The following MCTP1 variants were observed in gnomAD, a reference collection of about 807,000 sequenced individuals.
The protein encoded by MCTP1 is multiple C2 and transmembrane domain-containing protein 1.
Under a neutral mutation model 120.6 loss-of-function variants are expected in MCTP1, and 69 were observed. The ratio of observed to expected loss-of-function variants is 0.57; its 90% CI spans 0.47 to 0.70. The LOEUF is 0.70. MCTP1 is among the 30% of genes least tolerant of loss of function. MCTP1 has a pLI of 0.00. For synonymous variants in MCTP1, 529 were observed against 493.1 expected (o/e 1.07, Z -0.96); for missense variants, 1,203 against 1,248.8 (o/e 0.96, Z 0.55).
chr5:94,753,028 C>T lies in MCTP1; in HGVS notation c.2610+26082G>A, dbSNP rs369982238. On this transcript the variant is annotated intron_variant, in intron 19 of 22. Transcript: ENST00000515393. The stretch of plus-strand genomic sequence containing the variant: ...TTAGGAGGGCTATATAAACCATAAA[C>T]CCAGAGGATCTTGTTCAGGGGTTCA... Among the ~76,000 whole-genome samples, 12 of 152,308 alleles carry T rather than the reference C, an allele frequency of 7.9e-5. No individual in the cohort carries two copies. The East Asian group carries it at 2.3e-3, about 29-fold the overall frequency.
intron 11 of MCTP1, among the ~76,000 whole-genome samples, chr5:94,890,978 A>G (rs536455110): frequency 2.6e-5 from 4 of 152,328 alleles, no homozygotes; most frequent in Non-Finnish European, 5.9e-5. Context: ...TTACTAGAGT[A>G]AAAAGCATTC....
chr5:94,833,668 T>C (rs1445514063), intron 17 of MCTP1, among the ~76,000 whole-genome samples: 11 of 152,202 alleles, frequency 7.2e-5, no homozygotes, highest in Admixed American at 7.2e-4. Flanking sequence ...CTTTTCTCTC[T>C]GGAGCGCAGA....
chr5:95,166,694 A>C (rs1429266557), intron 1 of MCTP1, among the ~76,000 whole-genome samples: 1 of 150,596 alleles, frequency 6.6e-6, no homozygotes, highest in Non-Finnish European at 1.5e-5. Context: ...CACCCTCCCG[A>C]GTAGCTGGGA....
intron 19 of MCTP1, among the ~76,000 whole-genome samples, chr5:94,763,459 T>C (rs1771823310): frequency 6.6e-6 from 1 of 152,240 alleles, no homozygotes; most frequent in Non-Finnish European, 1.5e-5. Context: ...TTCTCATTTA[T>C]CCTTCAACAC....
At chr5:94,855,714 T>C (rs1286682211) in intron 17 of MCTP1, among the ~76,000 whole-genome samples, 1 of 151,738 alleles carries the variant, frequency 6.6e-6, no homozygotes, top group Non-Finnish European at 1.5e-5. Context: ...CTATTATCTA[T>C]GTGAACAAAA....
intron 19 of MCTP1, among the ~76,000 whole-genome samples, chr5:94,755,699 TTC>T (rs1769644031): frequency 2.0e-5 from 3 of 152,334 alleles, no homozygotes; most frequent in African/African-American, 7.2e-5. Context: ...TCAGTATATG[TTC>T]TGTTTTTCAT....
At chr5:95,171,139 G>C (rs910935534) in intron 1 of MCTP1, among the ~76,000 whole-genome samples, 2 of 152,070 alleles carry the variant, frequency 1.3e-5, no homozygotes, top group South Asian at 2.1e-4. Flanking sequence ...TTGCTTCTCT[G>C]TAAAGGATTA....
At chr5:94,962,762 G>C (rs935891450) in intron 2 of MCTP1, among the ~76,000 whole-genome samples, 1 of 151,968 alleles carries the variant, frequency 6.6e-6, no homozygotes, top group African/African-American at 2.4e-5. Context: ...ACTACACATT[G>C]GGTACAGTGT....
intron 17 of MCTP1, among the ~76,000 whole-genome samples, chr5:94,831,416 C>T (rs1482758226): frequency 6.6e-6 from 1 of 152,206 alleles, no homozygotes; most frequent in African/African-American, 2.4e-5. Context: ...TTATAAAACA[C>T]TTGTTTTGTC....
intron 1 of MCTP1, among the ~76,000 whole-genome samples, chr5:95,218,419 A>G (rs774464467): frequency 1.1e-3 from 160 of 152,290 alleles, no homozygotes; most frequent in Non-Finnish European, 3.5e-4. Context: ...TTCCCAATGT[A>G]TGGAATGCTT....
chr5:95,207,557 A>G (rs1681873601), intron 1 of MCTP1, among the ~76,000 whole-genome samples: 1 of 152,212 alleles, frequency 6.6e-6, no homozygotes, highest in Non-Finnish European at 1.5e-5. Flanking sequence ...GTAAATCTGA[A>G]TTACACTGAT....
intron 1 of MCTP1, among the ~76,000 whole-genome samples, chr5:95,161,246 G>A (rs184658796): frequency 6.6e-6 from 1 of 152,246 alleles, no homozygotes; most frequent in East Asian, 1.9e-4. Context: ...ATGCATAATA[G>A]GATAGTATTC....
intron 1 of MCTP1, among the ~76,000 whole-genome samples, chr5:95,179,426 G>T (rs1253566087): frequency 2.0e-5 from 3 of 152,190 alleles, no homozygotes; most frequent in African/African-American, 7.2e-5. Flanking sequence ...TAAAAGCTGT[G>T]AAGCAAAAGC....
At chr5:94,842,968 A>G (rs1342474524) in intron 17 of MCTP1, among the ~76,000 whole-genome samples, 1 of 152,082 alleles carries the variant, frequency 6.6e-6, no homozygotes, top group East Asian at 1.9e-4. Context: ...TATTTTAATG[A>G]TACCATTAAT....
At chr5:95,212,854 G>A (rs967030454) in intron 1 of MCTP1, among the ~76,000 whole-genome samples, 1 of 152,082 alleles carries the variant, frequency 6.6e-6, no homozygotes, top group African/African-American at 2.4e-5. Context: ...GGTATTCACG[G>A]GACGTATCTC....
intron 1 of MCTP1, among the ~76,000 whole-genome samples, chr5:95,080,222 G>T (rs1754577333): frequency 6.6e-6 from 1 of 152,086 alleles, no homozygotes; most frequent in Admixed American, 6.5e-5. Flanking sequence ...CCAGAGTAAG[G>T]ATTTGGACAT....
chr5:95,161,151 T>C (rs1745691985), intron 1 of MCTP1, among the ~76,000 whole-genome samples: 2 of 152,180 alleles, frequency 1.3e-5, no homozygotes, highest in African/African-American at 4.8e-5. Context: ...TCCATGTTCA[T>C]TGCACCATTC....
At chr5:94,839,570 A>G (rs1426186772) in intron 17 of MCTP1, among the ~76,000 whole-genome samples, 1 of 152,212 alleles carries the variant, frequency 6.6e-6, no homozygotes. Flanking sequence ...TAAGTCACAT[A>G]TATTTAAAAA....
In MCTP1 at chr5:95,014,817, C is replaced by T. The variant is rs150540525; in HGVS notation, c.838+2550G>A. On this transcript the variant is annotated intron_variant, in intron 2 of 22. Transcript: ENST00000515393. ...CTGTGGGTAAAGTACTATCAAACAGCATCTCATGCTACAGATAAACCTTTT... is the reference window on the plus strand; with the variant it reads ...CTGTGGGTAAAGTACTATCAAACAGTATCTCATGCTACAGATAAACCTTTT... Among the ~76,000 whole-genome samples the T allele has an allele frequency of 1.1e-3, 172 of 152,212 alleles. 1 individual carries two copies. Among genetic ancestry groups the T allele is most frequent in the East Asian group, 0.011 (56 of 5,170 alleles).
Sources: allele counts gnomAD v4.1 joint callset (sites outside exome capture counted in the v4.1 genomes callset), GRCh38; gene constraint gnomAD v4.1.1; transcripts MANE v1.5; gene names NCBI Gene and HGNC (gene_info 2026-07-23, HGNC 2026-07-21).